The following ARHGAP15 variants were observed in gnomAD, a reference collection of about 807,000 sequenced individuals.
ARHGAP15 encodes rho GTPase-activating protein 15.
In ARHGAP15, 51 loss-of-function variants were observed where a neutral mutation model predicts 63.7. That is an observed-to-expected ratio of 0.80 (90% CI 0.64 to 1.01). The LOEUF is 1.01. Ranked by LOEUF, ARHGAP15 falls within the 50% of genes least tolerant of loss-of-function variation. ARHGAP15 has a pLI of 0.00. For synonymous variants in ARHGAP15, 191 were observed against 193.8 expected, an observed-to-expected ratio of 0.99 and a Z score of 0.12; for missense variants, 560 against 564.6, an observed-to-expected ratio of 0.99 and a Z score of 0.08.
intron 5 of ARHGAP15, among the ~76,000 whole-genome samples, chr2:143,248,513 T>G (rs568701876): frequency 4.2e-4 from 64 of 152,326 alleles, no homozygotes; most frequent in African/African-American, 1.5e-3. Flanking sequence ...ACTGCTTGGA[T>G]CTAAATCCTG....
intron 13 of ARHGAP15, among the ~76,000 whole-genome samples, chr2:143,750,803 G>C (rs1470064003): frequency 6.6e-6 from 1 of 152,196 alleles, no homozygotes; most frequent in African/African-American, 2.4e-5. Flanking sequence ...ATATTAATAT[G>C]CAGTCTGGAT....
At chr2:143,530,723 T>G (rs1454644601) in intron 10 of ARHGAP15, among the ~76,000 whole-genome samples, 1 of 152,220 alleles carries the variant, frequency 6.6e-6, no homozygotes, top group Non-Finnish European at 1.5e-5. Context: ...GCTTGCATTA[T>G]TTAAAGCTGA....
At chr2:143,420,116 CACTT>C (rs1420996166) in intron 6 of ARHGAP15, among the ~76,000 whole-genome samples, 1 of 152,148 alleles carries the variant, frequency 6.6e-6, no homozygotes, top group South Asian at 2.1e-4. Context: ...ACTGAAGTCT[CACTT>C]ACGGACAATG....
At chr2:143,582,040 C>T (rs1244982400) in intron 11 of ARHGAP15, among the ~76,000 whole-genome samples, 1 of 152,168 alleles carries the variant, frequency 6.6e-6, no homozygotes, top group Non-Finnish European at 1.5e-5. Flanking sequence ...GCAGGCTGAG[C>T]AGCCCCATTG....
chr2:143,329,284 C>G (rs1338432303), intron 6 of ARHGAP15, among the ~76,000 whole-genome samples: 4 of 152,166 alleles, frequency 2.6e-5, no homozygotes, highest in Non-Finnish European at 5.9e-5. Flanking sequence ...TGAATTTACT[C>G]AAAAAGGAGA....
chr2:143,461,523 G>A (rs1384584813), intron 8 of ARHGAP15, among the ~76,000 whole-genome samples: 1 of 152,088 alleles, frequency 6.6e-6, no homozygotes, highest in Non-Finnish European at 1.5e-5. Context: ...ATAAACACTA[G>A]AGGATTTTAG....
chr2:143,633,302 G>C (rs1680145106), intron 12 of ARHGAP15, among the ~76,000 whole-genome samples: 1 of 152,114 alleles, frequency 6.6e-6, no homozygotes, highest in South Asian at 2.1e-4. Context: ...TACTTGACTA[G>C]AGCCAAATGG....
At chr2:143,218,509 T>C (rs1453898885) in intron 4 of ARHGAP15, among the ~76,000 whole-genome samples, 1 of 150,692 alleles carries the variant, frequency 6.6e-6, no homozygotes, top group Non-Finnish European at 1.5e-5. Context: ...TATATCTATA[T>C]TTAGCTGTAT....
rs761455767 is a variant in ARHGAP15 at position 143,674,244 on chromosome 2, CAT to C, written c.1139-29173_1139-29172del. Among the ~76,000 whole-genome samples, 7 of 152,080 alleles carry C rather than the reference CAT, an allele frequency of 4.6e-5. No homozygotes were observed. The East Asian group carries it at 7.7e-4, about 17-fold the overall frequency. ...CATAGCCAAAAACTGAAAAATGACT[CAT>C]AAGCTCATCAAAAGGGAGATTTGTC... is the stretch of plus-strand genomic sequence containing the variant. On this transcript the variant is annotated intron_variant, in intron 12 of 13. Transcript: ENST00000295095.
At chr2:143,528,288 C>A (rs1466507797) in intron 10 of ARHGAP15, among the ~76,000 whole-genome samples, 4 of 152,000 alleles carry the variant, frequency 2.6e-5, no homozygotes, top group Middle Eastern at 3.2e-3. Flanking sequence ...GCAAGTTAAG[C>A]CCCACATCTT....
chr2:143,629,142 G>A (rs1361157055), intron 12 of ARHGAP15, among the ~76,000 whole-genome samples: 1 of 151,214 alleles, frequency 6.6e-6, no homozygotes, highest in African/African-American at 2.4e-5. Flanking sequence ...TCCAAGAAGA[G>A]TGAACAGAAG....
At chr2:143,681,006 AC>A (rs937323380) in intron 12 of ARHGAP15, among the ~76,000 whole-genome samples, 43 of 152,218 alleles carry the variant, frequency 2.8e-4, no homozygotes, top group Non-Finnish European at 7.3e-5. Flanking sequence ...CAGACACATC[AC>A]CTTTCAGTGC....
chr2:143,570,612 CAAAGT>C (rs1696410729), intron 11 of ARHGAP15, among the ~76,000 whole-genome samples: 2 of 152,150 alleles, frequency 1.3e-5, no homozygotes, highest in Admixed American at 6.5e-5. Context: ...AGATCAGTCT[CAAAGT>C]GAACAATTTT....
chr2:143,144,529 T>C (rs1343686997), intron 1 of ARHGAP15, among the ~76,000 whole-genome samples: 1 of 152,072 alleles, frequency 6.6e-6, no homozygotes, highest in Admixed American at 6.6e-5. Flanking sequence ...GCCTAGGAGC[T>C]CTTTGGGGAT....
intron 11 of ARHGAP15, among the ~76,000 whole-genome samples, chr2:143,615,781 G>A (rs563330557): frequency 1.1e-4 from 16 of 152,224 alleles, no homozygotes; most frequent in South Asian, 2.1e-4. Context: ...TGACTTTGTC[G>A]AAATTTAATC....
At chr2:143,299,898 T>C (rs1271263058) in intron 6 of ARHGAP15, among the ~76,000 whole-genome samples, 32 of 151,974 alleles carry the variant, frequency 2.1e-4, no homozygotes, top group Admixed American at 2.1e-3. Context: ...ATTTGAGTAA[T>C]ATTAAAGAGG....
intron 10 of ARHGAP15, among the ~76,000 whole-genome samples, chr2:143,552,153 G>A (rs182934739): frequency 2.1e-4 from 32 of 152,312 alleles, no homozygotes; most frequent in African/African-American, 6.7e-4. Flanking sequence ...AATCTCAGGA[G>A]AGGGACTGTT....
intron 11 of ARHGAP15, among the ~76,000 whole-genome samples, chr2:143,603,724 C>T (rs1697868900): frequency 6.6e-6 from 1 of 152,168 alleles, no homozygotes; most frequent in South Asian, 2.1e-4. Context: ...CTTCCAGCGG[C>T]AGCTCTTACA....
At chr2:143,767,676 A>C (rs1169138101) in intron 13 of ARHGAP15, among the ~76,000 whole-genome samples, 1 of 152,042 alleles carries the variant, frequency 6.6e-6, no homozygotes, top group African/African-American at 2.4e-5. Flanking sequence ...GTCTCTAAGC[A>C]TTTTAAAGGC....
Sources: allele counts gnomAD v4.1 joint callset (sites outside exome capture counted in the v4.1 genomes callset), GRCh38; gene constraint gnomAD v4.1.1; transcripts MANE v1.5; gene names NCBI Gene and HGNC (gene_info 2026-07-23, HGNC 2026-07-21).